Variants in STAG1 observed in about 807,000 individuals in gnomAD.
The protein encoded by STAG1 is cohesin subunit SA-1.
STAG1 carries 26 observed loss-of-function variants against 170.9 expected under a neutral mutation model. That is an observed-to-expected ratio of 0.15 (90% CI 0.11 to 0.21). STAG1 has a LOEUF of 0.21. Ranked by LOEUF, STAG1 falls within the 10% of genes least tolerant of loss-of-function variation. The probability of loss-of-function intolerance (pLI) is 1.00; values close to 1 mark genes in which losing one functional copy is unlikely to be tolerated. For synonymous variants in STAG1, 514 were observed against 497.7 expected (o/e 1.03, Z -0.44); for missense variants, 964 against 1,509.5 (o/e 0.64, Z 5.99).
intron 7 of STAG1, chr3:136,518,075 A>G (rs763930842): frequency 7.4e-6 from 2 of 270,042 alleles, no homozygotes; most frequent in South Asian, 1.7e-4. Flanking sequence ...TAAAAATGTA[A>G]AAGTATACAA....
intron 26 of STAG1, among the ~76,000 whole-genome samples, chr3:136,362,605 C>CAAAAAAAAAAAAAAAA (rs1237413699): frequency 1.2e-4 from 5 of 42,404 alleles, no homozygotes; most frequent in Non-Finnish European, 2.0e-4. Flanking sequence ...ATCATCTCTG[C>CAAAAAAAAAAAAAAAA]AAAAAAAAAA....
chr3:136,437,928 C>T (rs1362361320), intron 15 of STAG1, among the ~76,000 whole-genome samples: 1 of 152,112 alleles, frequency 6.6e-6, no homozygotes, highest in Non-Finnish European at 1.5e-5. Flanking sequence ...TGTATTTTTC[C>T]AAACAATGTT....
intron 22 of STAG1, among the ~76,000 whole-genome samples, chr3:136,386,708 G>A (rs1463822229): frequency 6.6e-6 from 1 of 151,536 alleles, no homozygotes; most frequent in Non-Finnish European, 1.5e-5. Flanking sequence ...TTTTTTTTTG[G>A]TATTTTTTTG....
intron 1 of STAG1, among the ~76,000 whole-genome samples, chr3:136,685,334 C>A (rs1197965770): frequency 6.6e-6 from 1 of 151,894 alleles, no homozygotes; most frequent in Non-Finnish European, 1.5e-5. Flanking sequence ...AACAAACAAA[C>A]AAACAAACAA....
intron 22 of STAG1, among the ~76,000 whole-genome samples, chr3:136,397,251 T>C (rs543248021): frequency 1.3e-5 from 2 of 152,350 alleles, no homozygotes; most frequent in African/African-American, 4.8e-5. Flanking sequence ...ATAATTCCAA[T>C]GTGAAGTATT....
intron 21 of STAG1, 107 bp downstream of exon 21, chr3:136,417,778 C>A: frequency 2.6e-6 from 2 of 774,054 alleles, no homozygotes; most frequent in Non-Finnish European, 4.4e-6. Context: ...GAGGCAGCTG[C>A]CCTAATGAAT....
At chr3:136,731,325 G>T (rs1397698040) in intron 1 of STAG1, among the ~76,000 whole-genome samples, 3 of 152,010 alleles carry the variant, frequency 2.0e-5, no homozygotes, top group Non-Finnish European at 4.4e-5. Flanking sequence ...AGGTTCTTTT[G>T]TAAGAATTAG....
intron 1 of STAG1, among the ~76,000 whole-genome samples, chr3:136,738,784 A>AT (rs1479542462): frequency 1.3e-5 from 2 of 152,214 alleles, no homozygotes; most frequent in African/African-American, 4.8e-5. Flanking sequence ...CTGAGAACAG[A>AT]TTTTAAGTGT....
chr3:136,508,122 G>A (rs778354698), intron 7 of STAG1, among the ~76,000 whole-genome samples: 76 of 152,240 alleles, frequency 5.0e-4, no homozygotes, highest in East Asian at 3.9e-4. Context: ...CTAGAGGAAC[G>A]TGAGGGAACA....
At chr3:136,558,392 C>CAAATA (rs994593583) in intron 5 of STAG1, among the ~76,000 whole-genome samples, 2 of 151,992 alleles carry the variant, frequency 1.3e-5, no homozygotes, top group African/African-American at 4.8e-5. Flanking sequence ...ACTTATGTCT[C>CAAATA]AAATAAAATA....
At chr3:136,442,362 C>CA (rs1322701435) in intron 15 of STAG1, among the ~76,000 whole-genome samples, 1 of 152,188 alleles carries the variant, frequency 6.6e-6, no homozygotes, top group Non-Finnish European at 1.5e-5. Context: ...CGTAACCATA[C>CA]ACAGGAAAAA....
chr3:136,719,089 C>G (rs1207861678), intron 1 of STAG1, among the ~76,000 whole-genome samples: 1 of 152,190 alleles, frequency 6.6e-6, no homozygotes, highest in East Asian at 1.9e-4. Flanking sequence ...TACACCAAGA[C>G]TTGTAAATGA....
In STAG1 at chr3:136,465,558, CAAAAAAAA is replaced by C. The variant is rs11364802; in HGVS notation, c.1206-578_1206-571del. On this transcript the variant is annotated intron_variant, in intron 12 of 33. Coordinates refer to ENST00000383202, the MANE Select transcript of STAG1 (RefSeq NM_005862.3). ...GTGGGACAGAGCAAGACTCTTGCCT[CAAAAAAAA>C]AAAAAAAAAAAAAAAAAAAAGGGAA... Among the ~76,000 whole-genome samples, 27 of 48,222 alleles carry C rather than the reference CAAAAAAAA, an allele frequency of 5.6e-4. 1 individual carries two copies. The highest frequency in any genetic ancestry group is 1.4e-3 in the East Asian group (2 of 1,460). The allele number at this position is 48,222 out of a possible 152,430, so 31.6% of individuals were successfully genotyped here.
chr3:136,681,050 A>G (rs1163290878), intron 1 of STAG1, among the ~76,000 whole-genome samples: 2 of 152,186 alleles, frequency 1.3e-5, no homozygotes, highest in East Asian at 3.8e-4. Context: ...CATAAATGCT[A>G]TATTAATAAT....
At chr3:136,565,803 TAAAC>T (rs1343718835) in intron 5 of STAG1, among the ~76,000 whole-genome samples, 5 of 152,282 alleles carry the variant, frequency 3.3e-5, no homozygotes, top group South Asian at 4.1e-4. Flanking sequence ...GATGAATGGA[TAAAC>T]AAACAGTGAT....
In STAG1 at chr3:136,542,167, A is replaced by C; in HGVS notation, c.423T>G (p.Asn141Lys). Residue 141 changes from asparagine (N) to lysine (K), a missense_variant, in exon 6 of 34, where the codon AAT becomes AAG. By Grantham distance (94) the Asn-to-Lys change is moderately conservative (BLOSUM62 0). This residue lies in a region of STAG1 where 33 missense variants were observed against 86.0 expected (regional missense o/e 0.38). Coordinates refer to ENST00000383202, the MANE Select transcript of STAG1 (RefSeq NM_005862.3). ...RGTVRIEMFR[N>K]MQNAEIIRKM... ...TTCTGATGATTTCTGCATTCTGCAT[A>C]TTTCGAAACATCTCTATTCTCACAG... 6.2e-7 allele frequency: 1 copy of C among 1,609,770 alleles called. No individual in the cohort carries two copies. The highest frequency in any genetic ancestry group is 8.5e-7 in the Non-Finnish European group (1 of 1,179,350).
chr3:136,391,368 C>CTTTT (rs5852844), intron 22 of STAG1, among the ~76,000 whole-genome samples: 23 of 124,562 alleles, frequency 1.8e-4, no homozygotes, highest in Non-Finnish European at 2.3e-4. Flanking sequence ...CTTTAGCCCT[C>CTTTT]TTTTTTTTTT....
At chr3:136,400,485 T>G (rs920696961) in intron 21 of STAG1, among the ~76,000 whole-genome samples, 3 of 151,868 alleles carry the variant, frequency 2.0e-5, no homozygotes, top group Non-Finnish European at 4.4e-5. Context: ...CCTCCCAAAG[T>G]GCTAGGACCA....
intron 12 of STAG1, among the ~76,000 whole-genome samples, chr3:136,470,044 T>G (rs930874516): frequency 2.6e-5 from 4 of 152,008 alleles, no homozygotes; most frequent in Non-Finnish European, 5.9e-5. Flanking sequence ...AGAAGAAAAC[T>G]TAGGCAATAC....
Sources: allele counts gnomAD v4.1 joint callset (sites outside exome capture counted in the v4.1 genomes callset), GRCh38; gene constraint gnomAD v4.1.1; regional missense constraint gnomAD v4.1.1; transcripts MANE v1.5; gene names NCBI Gene and HGNC (gene_info 2026-07-23, HGNC 2026-07-21).